GRM7: variants seen among roughly 807,000 people sequenced by gnomAD.
GRM7 encodes glutamate metabotropic receptor 7.
In GRM7, 35 loss-of-function variants were observed where a neutral mutation model predicts 84.5. That is an observed-to-expected ratio of 0.41 (90% CI 0.32 to 0.55). The LOEUF is 0.55. Ranked by LOEUF, GRM7 falls within the 20% of genes least tolerant of loss-of-function variation. The probability of loss-of-function intolerance (pLI) is 0.19; values close to 1 mark genes in which losing one functional copy is unlikely to be tolerated. For synonymous variants in GRM7, 487 were observed against 455.1 expected, an observed-to-expected ratio of 1.07 and a Z score of -0.89; for missense variants, 1,003 against 1,194.6, an observed-to-expected ratio of 0.84 and a Z score of 2.36.
chr3:7,192,543 G>T (rs1695743307), intron 2 of GRM7, among the ~76,000 whole-genome samples: 2 of 151,986 alleles, frequency 1.3e-5, no homozygotes, highest in South Asian at 4.1e-4. Flanking sequence ...ATATGGCATT[G>T]CCTTGAGTTT....
chr3:7,348,144 C>T (rs1692974674), intron 4 of GRM7, among the ~76,000 whole-genome samples: 1 of 152,096 alleles, frequency 6.6e-6, no homozygotes, highest in South Asian at 2.1e-4. Context: ...TTTTATCGGC[C>T]TAGGTCATCT....
chr3:7,681,299 G>C (rs1318180866), intron 9 of GRM7: 1 of 152,174 alleles, frequency 6.6e-6, no homozygotes, highest in African/African-American at 2.4e-5. Context: ...GCTGATCTTG[G>C]TGTCAAATGC....
At chr3:7,038,812 G>A (rs901315423) in intron 1 of GRM7, among the ~76,000 whole-genome samples, 4 of 151,982 alleles carry the variant, frequency 2.6e-5, no homozygotes, top group Admixed American at 1.3e-4. Flanking sequence ...GTTTTCAAGG[G>A]GCTTGTAAAC....
chr3:6,993,763 C>G (rs950076940), intron 1 of GRM7, among the ~76,000 whole-genome samples: 5 of 152,044 alleles, frequency 3.3e-5, no homozygotes, highest in African/African-American at 9.7e-5. Context: ...GGTGTTCAAG[C>G]AAACAGGGCT....
intron 2 of GRM7, among the ~76,000 whole-genome samples, chr3:7,282,537 G>A (rs1699290392): frequency 6.6e-6 from 1 of 152,080 alleles, no homozygotes; most frequent in African/African-American, 2.4e-5. Context: ...GTCAAAGTAG[G>A]GTGATTAGCA....
rs929759616 is a variant in GRM7, at chr3:7,334,480, A to T, written c.1033+27828A>T. ...AAGCATAAATCTCACAGGGACCCAC[A>T]AAAAAAATAGAAAAACAAAAACAAA... is the stretch of plus-strand genomic sequence containing the variant. On this transcript the variant is annotated intron_variant, in intron 4 of 9. Transcript: ENST00000357716. 0.012 allele frequency among the ~76,000 whole-genome samples: 260 copies of T among 22,060 alleles called. 1 individual carries two copies. The African/African-American group carries it at 0.13, about 11-fold the overall frequency. The allele number at this position is 22,060 out of a possible 152,430, so 14.5% of individuals were successfully genotyped here. A position where few individuals can be genotyped will look rare whatever the true frequency, so the allele number is the denominator to read the frequency against.
chr3:7,692,973 CTTTCTTTTTTTTTT>C (rs1439552216), intron 9 of GRM7, among the ~76,000 whole-genome samples: 2 of 150,240 alleles, frequency 1.3e-5, no homozygotes, highest in East Asian at 3.9e-4. Flanking sequence ...ATCTTTCTTT[CTTTCTTTTTTTTTT>C]TTTCTTTTCG....
intron 5 of GRM7, among the ~76,000 whole-genome samples, chr3:7,434,063 TAA>T (rs1170692492): frequency 2.0e-5 from 3 of 152,204 alleles, no homozygotes; most frequent in Non-Finnish European, 4.4e-5. Context: ...AATTCAACCC[TAA>T]GTTTTTCATG....
intron 1 of GRM7, among the ~76,000 whole-genome samples, chr3:6,906,851 G>A (rs986463693): frequency 6.6e-6 from 1 of 152,098 alleles, no homozygotes; most frequent in African/African-American, 2.4e-5. Context: ...CCTTGATGCA[G>A]TTTTTAACAT....
intron 7 of GRM7, among the ~76,000 whole-genome samples, chr3:7,467,164 T>G (rs1392676625): frequency 4.6e-5 from 7 of 152,158 alleles, no homozygotes. Flanking sequence ...CTTGGCTCAC[T>G]GCAACCTCCG....
chr3:7,542,505 T>A (rs1483198376), intron 7 of GRM7, among the ~76,000 whole-genome samples: 1 of 152,112 alleles, frequency 6.6e-6, no homozygotes, highest in African/African-American at 2.4e-5. Flanking sequence ...TTTATTCTAC[T>A]TTTTCATTCT....
At chr3:7,630,557 G>T (rs965717248) in intron 8 of GRM7, among the ~76,000 whole-genome samples, 3 of 152,282 alleles carry the variant, frequency 2.0e-5, no homozygotes, top group Admixed American at 2.0e-4. Context: ...TCTCTCACTT[G>T]GGCTTCTGGA....
At chr3:7,640,768 G>A (rs866530079) in intron 8 of GRM7, among the ~76,000 whole-genome samples, 2 of 152,120 alleles carry the variant, frequency 1.3e-5, no homozygotes, top group African/African-American at 4.8e-5. Flanking sequence ...AAAATGATGT[G>A]AAGCTTTCTG....
intron 9 of GRM7, among the ~76,000 whole-genome samples, chr3:7,723,239 T>A (rs926135182): frequency 9.2e-5 from 14 of 152,140 alleles, no homozygotes; most frequent in Admixed American, 6.5e-4. Flanking sequence ...TTCTCTGACA[T>A]CACTTAATAC....
At chr3:7,024,085 C>T (rs2875235) in intron 1 of GRM7, among the ~76,000 whole-genome samples, 1 of 152,172 alleles carries the variant, frequency 6.6e-6, no homozygotes, top group African/African-American at 2.4e-5. Flanking sequence ...GGTAACTTCT[C>T]TTTTTCTTCC....
At chr3:7,738,442 G>C (rs1045300054) in intron 9 of GRM7, among the ~76,000 whole-genome samples, 1 of 152,004 alleles carries the variant, frequency 6.6e-6, no homozygotes, top group Non-Finnish European at 1.5e-5. Flanking sequence ...AGCATCAACG[G>C]AATGCCATTA....
chr3:7,525,433 G>C (rs62233450), intron 7 of GRM7, among the ~76,000 whole-genome samples: 2,043 of 152,060 alleles, frequency 0.013, 25 homozygotes, highest in Non-Finnish European at 0.018. Context: ...TACCCAGGCT[G>C]GTTTCAAACT....
chr3:7,660,508 C>A (rs911722151), intron 8 of GRM7, among the ~76,000 whole-genome samples: 8 of 151,954 alleles, frequency 5.3e-5, no homozygotes, highest in African/African-American at 1.9e-4. Flanking sequence ...TAAAGTAGAC[C>A]TAAATAAATA....
intron 1 of GRM7, among the ~76,000 whole-genome samples, chr3:6,994,641 C>T (rs73812006): frequency 0.018 from 2,678 of 152,264 alleles, 70 homozygotes; most frequent in African/African-American, 0.058. Context: ...ATTCCTTAAA[C>T]TATTACAGCT....
Sources: allele counts gnomAD v4.1 joint callset (sites outside exome capture counted in the v4.1 genomes callset), GRCh38; gene constraint gnomAD v4.1.1; transcripts MANE v1.5; gene names NCBI Gene and HGNC (gene_info 2026-07-23, HGNC 2026-07-21).